The following RNF180 variants were observed in gnomAD, a reference collection of about 807,000 sequenced individuals.
RNF180 encodes E3 ubiquitin-protein ligase RNF180.
In RNF180, 38 loss-of-function variants were observed where a neutral mutation model predicts 59.2. The ratio of observed to expected loss-of-function variants is 0.64; its 90% confidence interval spans 0.50 to 0.84. RNF180 has a LOEUF of 0.84. RNF180 is among the 40% of genes least tolerant of loss of function. The probability of loss-of-function intolerance (pLI) is 0.00; values close to 1 mark genes in which losing one functional copy is unlikely to be tolerated. For synonymous variants in RNF180, 262 were observed against 240.3 expected, an observed-to-expected ratio of 1.09 and a Z score of -0.84; for missense variants, 705 against 700.9, an observed-to-expected ratio of 1.01 and a Z score of -0.07.
chr5:64,293,664 A>G (rs1284260278), intron 5 of RNF180, among the ~76,000 whole-genome samples: 1 of 151,908 alleles, frequency 6.6e-6, no homozygotes. Context: ...ATATTAAAAT[A>G]TTCGCAATGT....
intron 4 of RNF180, among the ~76,000 whole-genome samples, chr5:64,216,898 C>A (rs943935819): frequency 7.2e-5 from 11 of 152,028 alleles, no homozygotes; most frequent in African/African-American, 1.7e-4. Flanking sequence ...ATGACTTACA[C>A]ACATGTAAAG....
At chr5:64,171,383 T>C (rs1749925376) in intron 1 of RNF180, among the ~76,000 whole-genome samples, 1 of 152,194 alleles carries the variant, frequency 6.6e-6, no homozygotes, top group South Asian at 2.1e-4. Context: ...AGTTTTGTTT[T>C]ACAGTAAGGG....
chr5:64,260,940 C>CT (rs77043934), intron 5 of RNF180, among the ~76,000 whole-genome samples: 5,512 of 137,120 alleles, frequency 0.04, 231 homozygotes, highest in African/African-American at 0.1. Context: ...TCAGTTTCCT[C>CT]TTTTTTTTTT....
intron 5 of RNF180, among the ~76,000 whole-genome samples, chr5:64,264,684 T>C (rs1234581293): frequency 6.6e-6 from 1 of 152,214 alleles, no homozygotes; most frequent in African/African-American, 2.4e-5. Context: ...AGTGCTGCAG[T>C]AAACATACAT....
chr5:64,262,546 AT>A (rs1341767939), intron 5 of RNF180, among the ~76,000 whole-genome samples: 1 of 152,130 alleles, frequency 6.6e-6, no homozygotes, highest in African/African-American at 2.4e-5. Context: ...AATATGTGTG[AT>A]TTACCAGTAA....
At chr5:64,180,812 G>C (rs1035214982) in intron 1 of RNF180, among the ~76,000 whole-genome samples, 2 of 152,192 alleles carry the variant, frequency 1.3e-5, no homozygotes, top group Admixed American at 6.5e-5. Context: ...CTGTGAGGCA[G>C]AAACTGCTGA....
intron 7 of RNF180, among the ~76,000 whole-genome samples, chr5:64,336,952 C>T (rs1281068440): frequency 6.7e-6 from 1 of 149,916 alleles, no homozygotes; most frequent in Non-Finnish European, 1.5e-5. Context: ...TTAGGTTCTT[C>T]CCTATTCCCA....
intron 7 of RNF180, among the ~76,000 whole-genome samples, chr5:64,333,282 GTTC>G (rs527484857): frequency 2.3e-4 from 35 of 152,192 alleles, no homozygotes; most frequent in African/African-American, 6.7e-4. Flanking sequence ...GGTTCAAGCA[GTTC>G]TTCTGCCTCA....
intron 7 of RNF180, among the ~76,000 whole-genome samples, chr5:64,353,876 G>T (rs978768328): frequency 3.3e-5 from 5 of 151,658 alleles, no homozygotes; most frequent in Non-Finnish European, 7.4e-5. Flanking sequence ...AACCAGTTGG[G>T]TCAAAGAAGA....
intron 5 of RNF180, among the ~76,000 whole-genome samples, chr5:64,242,639 A>G (rs1274546010): frequency 6.6e-6 from 1 of 152,212 alleles, no homozygotes; most frequent in Admixed American, 6.5e-5. Context: ...ATGAGAAGAG[A>G]AAGATAAAGG....
rs142149039 is a variant in RNF180, at chr5:64,251,656, A to G, written c.1227+34260A>G. ...ACCCGGGATGGTCTGGCCTCAGGCA[A>G]TCTTCCCACCTTGGCCTCCCAGGTG... On this transcript the variant is annotated intron_variant, in intron 5 of 7. Coordinates refer to ENST00000389100, the MANE Select transcript of RNF180 (RefSeq NM_001113561.2). 5.6e-4 allele frequency among the ~76,000 whole-genome samples: 86 copies of G among 152,274 alleles called. 1 individual carries two copies. The highest frequency in any genetic ancestry group is 1.8e-3 in the African/African-American group (75 of 41,562).
chr5:64,207,028 T>TGGTA (rs1561188600), intron 2 of RNF180, among the ~76,000 whole-genome samples: 1 of 152,048 alleles, frequency 6.6e-6, no homozygotes, highest in Non-Finnish European at 1.5e-5. Context: ...AGAAGAGAAA[T>TGGTA]GGTATGTCCT....
chr5:64,343,227 T>C (rs542162710), intron 7 of RNF180, among the ~76,000 whole-genome samples: 1 of 151,572 alleles, frequency 6.6e-6, no homozygotes, highest in African/African-American at 2.4e-5. Context: ...AAAGTGTTAA[T>C]GAAAATAGAG....
chr5:64,233,793 A>G (rs1013334366), intron 5 of RNF180, among the ~76,000 whole-genome samples: 2 of 152,236 alleles, frequency 1.3e-5, no homozygotes, highest in African/African-American at 4.8e-5. Context: ...GAAAAATTCA[A>G]TAACCTTTCT....
chr5:64,179,479 A>G (rs2111932679), intron 1 of RNF180, among the ~76,000 whole-genome samples: 1 of 152,256 alleles, frequency 6.6e-6, no homozygotes, highest in East Asian at 1.9e-4. Flanking sequence ...TTTGTTTTAC[A>G]TGCTTTAAAA....
intron 7 of RNF180, among the ~76,000 whole-genome samples, chr5:64,352,970 T>C (rs1414921794): frequency 6.6e-6 from 1 of 151,866 alleles, no homozygotes; most frequent in African/African-American, 2.4e-5. Flanking sequence ...CTATCCTAAA[T>C]GACTGTTAGT....
At chr5:64,183,681 CA>C (rs1156931556) in intron 1 of RNF180, among the ~76,000 whole-genome samples, 1 of 152,098 alleles carries the variant, frequency 6.6e-6, no homozygotes. Context: ...TTCTTGGCCT[CA>C]AGTGATCTGC....
chr5:64,345,356 T>TA (rs2112570909), intron 7 of RNF180, among the ~76,000 whole-genome samples: 1 of 152,310 alleles, frequency 6.6e-6, no homozygotes, highest in Non-Finnish European at 1.5e-5. Context: ...GGTTTCTACT[T>TA]AGTTTTGGCT....
chr5:64,330,050 T>A (rs1744831240), intron 6 of RNF180, among the ~76,000 whole-genome samples: 1 of 152,186 alleles, frequency 6.6e-6, no homozygotes, highest in Non-Finnish European at 1.5e-5. Context: ...AGCTACTCAG[T>A]AGATTTATGT....
Sources: allele counts gnomAD v4.1 joint callset (sites outside exome capture counted in the v4.1 genomes callset), GRCh38; gene constraint gnomAD v4.1.1; transcripts MANE v1.5; gene names NCBI Gene and HGNC (gene_info 2026-07-23, HGNC 2026-07-21).